Variants in MCPH1 observed in about 807,000 individuals in gnomAD.
MCPH1 encodes the protein microcephalin 1.
Under a neutral mutation model 84.5 loss-of-function variants are expected in MCPH1, and 104 were observed. The ratio of observed to expected loss-of-function variants is 1.23; its 90% CI spans 1.05 to 1.45. The LOEUF (loss-of-function observed/expected upper bound fraction) is 1.45, where lower values mean the gene tolerates loss of function less well. Ranked by LOEUF, MCPH1 falls within the 40% of genes most tolerant of loss-of-function variation. The pLI is 0.00. For synonymous variants in MCPH1, 514 were observed against 366.8 expected (o/e 1.40, Z -4.58); for missense variants, 1,498 against 1,005.7 (o/e 1.49, Z -6.62).
intron 12 of MCPH1, among the ~76,000 whole-genome samples, chr8:6,599,739 G>C (rs184778004): frequency 1.3e-5 from 2 of 152,172 alleles, no homozygotes; most frequent in African/African-American, 4.8e-5. Context: ...TTTTTTGAAA[G>C]TAGTGAGGGT....
intron 12 of MCPH1, among the ~76,000 whole-genome samples, chr8:6,552,000 G>A (rs1001121106): frequency 6.6e-6 from 1 of 152,024 alleles, no homozygotes; most frequent in African/African-American, 2.4e-5. Flanking sequence ...ATAATTACCC[G>A]GTAGATGACC....
chr8:6,439,691 C>T (rs934039057), intron 6 of MCPH1, among the ~76,000 whole-genome samples: 4 of 152,170 alleles, frequency 2.6e-5, no homozygotes, highest in South Asian at 2.1e-4. Context: ...CGTGAGCCAC[C>T]GCTCCTGGCC....
At chr8:6,442,419 C>T (rs1019779376) in intron 7 of MCPH1, among the ~76,000 whole-genome samples, 3 of 151,850 alleles carry the variant, frequency 2.0e-5, no homozygotes, top group Non-Finnish European at 2.9e-5. Flanking sequence ...TTATTGTGAA[C>T]GTATATGAAC....
At chr8:6,586,249 C>T (rs931510704) in intron 12 of MCPH1, among the ~76,000 whole-genome samples, 1 of 152,184 alleles carries the variant, frequency 6.6e-6, no homozygotes, top group Non-Finnish European at 1.5e-5. Context: ...GTGTGAGCCA[C>T]CATGCCCAGC....
intron 12 of MCPH1, among the ~76,000 whole-genome samples, chr8:6,522,643 A>C (rs928515519): frequency 4.0e-5 from 6 of 151,072 alleles, no homozygotes; most frequent in African/African-American, 1.5e-4. Context: ...GCGTGGGGGT[A>C]CATGAATGTA....
chr8:6,609,383 C>T (rs138830910), intron 12 of MCPH1, among the ~76,000 whole-genome samples: 1 of 152,244 alleles, frequency 6.6e-6, no homozygotes, highest in Non-Finnish European at 1.5e-5. Context: ...GGCATGAAAT[C>T]CAGATTTATG....
chr8:6,435,995 C>G (rs1434700480), intron 4 of MCPH1, 53 bp from the exon 5 acceptor site: 8 of 1,598,766 alleles, frequency 5.0e-6, no homozygotes, highest in Non-Finnish European at 6.8e-6. Flanking sequence ...GGCTTTTTCT[C>G]CTGCCTTAAG....
intron 12 of MCPH1, among the ~76,000 whole-genome samples, chr8:6,605,063 C>T (rs1346031316): frequency 6.6e-6 from 1 of 152,142 alleles, no homozygotes; most frequent in African/African-American, 2.4e-5. Flanking sequence ...CTATGTCCCT[C>T]CTTGTCGCCT....
chr8:6,574,230 A>T (rs1826882200), intron 12 of MCPH1, among the ~76,000 whole-genome samples: 1 of 152,218 alleles, frequency 6.6e-6, no homozygotes, highest in South Asian at 2.1e-4. Flanking sequence ...GGAGGCTAGA[A>T]GTCTGTAATT....
In MCPH1 at chr8:6,615,158, G is replaced by A. The variant is rs116193526; in HGVS notation, c.2215-6296G>A. Among the ~76,000 whole-genome samples, 713 of 152,294 alleles carry A rather than the reference G, an allele frequency of 4.7e-3. 7 individuals carry two copies. Among genetic ancestry groups the A allele is most frequent in the African/African-American group, 0.016 (667 of 41,536 alleles). On this transcript the variant is annotated intron_variant, in intron 12 of 13. Coordinates refer to ENST00000344683, the MANE Select transcript of MCPH1 (RefSeq NM_024596.5). ...CCCCTGGGCTGCATTCACACATGCC[G>A]TGAGTCTTCAGACACCCAGGTCTCA...
chr8:6,640,985 A>T (rs567149466), intron 13 of MCPH1, among the ~76,000 whole-genome samples: 1 of 152,164 alleles, frequency 6.6e-6, no homozygotes, highest in South Asian at 2.1e-4. Context: ...CTGTTTGTCT[A>T]TTCTGTGCTG....
rs1418917632 is a variant in MCPH1, at chr8:6,559,841, T to G, written c.2214+59912T>G. Among the ~76,000 whole-genome samples the G allele has an allele frequency of 1.3e-5, 2 of 151,734 alleles. 1 individual carries two copies. Among genetic ancestry groups the G allele is most frequent in the Non-Finnish European group, 2.9e-5 (2 of 68,028 alleles). ...TAGTGTTTGGTCCACTGCAGTGTGTTTTGTGTGCTAGCGATCATGAGTTTA... is the reference window on the plus strand; with the variant it reads ...TAGTGTTTGGTCCACTGCAGTGTGTGTTGTGTGCTAGCGATCATGAGTTTA... On this transcript the variant is annotated intron_variant, in intron 12 of 13. Coordinates refer to ENST00000344683, the MANE Select transcript of MCPH1 (RefSeq NM_024596.5).
rs1389747563 is a variant in MCPH1 at position 6,643,069 on chromosome 8, T to C, written c.*20T>C. On this transcript the variant is annotated 3_prime_UTR_variant, in exon 14 of 14. Transcript: ENST00000344683. ...CAATGACAGTGACCTCACTGGCCTGTGGTGACTGCACACAGCTCGCAAAAC... is the reference window on the plus strand; with the variant it reads ...CAATGACAGTGACCTCACTGGCCTGCGGTGACTGCACACAGCTCGCAAAAC... 1 of 1,608,734 alleles carries C rather than the reference T, an allele frequency of 6.2e-7. No homozygotes were observed. Among genetic ancestry groups the C allele is most frequent in the Non-Finnish European group, 8.5e-7 (1 of 1,175,196 alleles).
chr8:6,465,512 G>A (rs796695177), intron 9 of MCPH1, among the ~76,000 whole-genome samples: 3 of 152,284 alleles, frequency 2.0e-5, no homozygotes, highest in African/African-American at 7.2e-5. Flanking sequence ...AGATGTGAAG[G>A]GAAGTCTTCC....
intron 9 of MCPH1, chr8:6,474,325 G>T: frequency 2.2e-6 from 1 of 451,064 alleles, no homozygotes; most frequent in Non-Finnish European, 4.1e-6. Flanking sequence ...TGGTGTACCT[G>T]GCTTTCTATG....
At chr8:6,635,223 G>T (rs1263643240) in intron 13 of MCPH1, 1 of 152,194 alleles carries the variant, frequency 6.6e-6, no homozygotes, top group Admixed American at 6.5e-5. Context: ...TTCATTGACT[G>T]TTGGGGAAAT....
At chr8:6,547,650 C>CT (rs1366033598) in intron 12 of MCPH1, among the ~76,000 whole-genome samples, 1 of 152,018 alleles carries the variant, frequency 6.6e-6, no homozygotes, top group East Asian at 1.9e-4. Flanking sequence ...CAGTGAGTGC[C>CT]TTTGAGTGAC....
intron 9 of MCPH1, among the ~76,000 whole-genome samples, chr8:6,472,437 T>C (rs1249294200): frequency 6.6e-6 from 1 of 152,190 alleles, no homozygotes; most frequent in East Asian, 1.9e-4. Context: ...ATTTTCCAGG[T>C]ATGTCTGGGG....
chr8:6,431,469 T>A, intron 3 of MCPH1, 30 bp from the exon 4 acceptor site: 5 of 1,536,946 alleles, frequency 3.3e-6, no homozygotes, highest in Non-Finnish European at 4.5e-6. Context: ...AAGCAAATAC[T>A]CATTAGACTA....
Sources: allele counts gnomAD v4.1 joint callset (sites outside exome capture counted in the v4.1 genomes callset), GRCh38; gene constraint gnomAD v4.1.1; transcripts MANE v1.5; gene names NCBI Gene and HGNC (gene_info 2026-07-23, HGNC 2026-07-21).